HIRA: variants seen among roughly 807,000 people sequenced by gnomAD.
HIRA encodes the protein histone cell cycle regulator.
Under a neutral mutation model 126.6 loss-of-function variants are expected in HIRA, and 13 were observed. That is an observed-to-expected ratio of 0.10 (90% CI 0.07 to 0.16). The LOEUF is 0.16. Ranked by LOEUF, HIRA falls within the 10% of genes least tolerant of loss-of-function variation. The probability of loss-of-function intolerance (pLI) is 1.00; values close to 1 mark genes in which losing one functional copy is unlikely to be tolerated. For synonymous variants in HIRA, 511 were observed against 520.0 expected (o/e 0.98, Z 0.24); for missense variants, 834 against 1,314.4 (o/e 0.63, Z 5.65).
chr22:19,380,106 C>G (rs964463170), intron 13 of HIRA, among the ~76,000 whole-genome samples: 3 of 152,166 alleles, frequency 2.0e-5, no homozygotes, highest in East Asian at 1.9e-4. Context: ...CACGCCCAGA[C>G]AGCCTATCTT....
intron 1 of HIRA, among the ~76,000 whole-genome samples, chr22:19,430,430 C>A (rs569589320): frequency 6.6e-6 from 1 of 152,094 alleles, no homozygotes; most frequent in Admixed American, 6.5e-5. Flanking sequence ...AAATTCAAAA[C>A]GAAAAAGCCA....
chr22:19,379,976 T>C (rs5746729), intron 13 of HIRA, among the ~76,000 whole-genome samples: 7,075 of 151,804 alleles, frequency 0.047, 361 homozygotes, highest in East Asian at 0.13. Flanking sequence ...GCCCAGCTAA[T>C]TTTTATATTT....
Position 19,351,490 on chromosome 22 carries a change from A to C in HIRA, c.2849-44T>G. On this transcript the variant is annotated intron_variant, in intron 23 of 24. Coordinates refer to ENST00000263208, the MANE Select transcript of HIRA (RefSeq NM_003325.4). This position sits in a 1 kb window ranked among gnomAD's most constrained non-coding sequence, Gnocchi z 4.8. ...ACAAACAACAACAACAAAAAACAAA[A>C]CAGAAATAGGAACACATTACAAAAA... 1 of 1,356,084 alleles carries C rather than the reference A, an allele frequency of 7.4e-7. No homozygotes were observed. Among genetic ancestry groups the C allele is most frequent in the Non-Finnish European group, 1.1e-6 (1 of 951,620 alleles). 84.0% of individuals were successfully genotyped at this position (1,356,084 alleles called of 1,614,324 possible). A position where few individuals can be genotyped will look rare whatever the true frequency, so the allele number is the denominator to read the frequency against.
At chr22:19,342,441 C>T (rs919084518) in intron 24 of HIRA, among the ~76,000 whole-genome samples, 29 of 152,186 alleles carry the variant, frequency 1.9e-4, no homozygotes, top group Non-Finnish European at 4.1e-4. Flanking sequence ...GGCTGGAATG[C>T]AGTGGCACGA....
chr22:19,343,460 G>T (rs1162069704), intron 24 of HIRA, among the ~76,000 whole-genome samples: 1 of 152,132 alleles, frequency 6.6e-6, no homozygotes, highest in African/African-American at 2.4e-5. Flanking sequence ...CTACTCAGGA[G>T]GCTGAGGTGG....
In HIRA at chr22:19,399,221, T is replaced by C. The variant is rs140771336; in HGVS notation, c.398-1134A>G. On this transcript the variant is annotated intron_variant, in intron 5 of 24. Transcript: ENST00000263208. ...GGTATACAGAAGAATGATTGGTGAG[T>C]TGAAGAAACAAACATAGCAGCAAGG... 20 of 910,110 alleles carry C rather than the reference T, an allele frequency of 2.2e-5. No homozygotes were observed. The East Asian group carries it at 1.1e-3, about 48-fold the overall frequency. The allele number at this position is 910,110 out of a possible 1,614,324, so 56.4% of individuals were successfully genotyped here.
chr22:19,387,331 C>T (rs1356055375), intron 11 of HIRA, among the ~76,000 whole-genome samples: 3 of 152,224 alleles, frequency 2.0e-5, no homozygotes, highest in East Asian at 1.9e-4. Flanking sequence ...CAGAGCCTGG[C>T]AGACAATGCG....
At chr22:19,354,898 C>A (rs782216815) in intron 21 of HIRA, among the ~76,000 whole-genome samples, 8 of 152,014 alleles carry the variant, frequency 5.3e-5, no homozygotes, top group Non-Finnish European at 1.2e-4. Context: ...TCCCAAGGAG[C>A]TGGGACTACA....
rs57853722 is a variant in HIRA, at chr22:19,429,133, CTTTTTTTTTT to C, written c.37+2297_37+2306del. ...TCCCATCCTGCCAGAGTTGCCATAT[CTTTTTTTTTT>C]TTTTTTTTTTTTTTTGAGATGGAGT... is the stretch of plus-strand genomic sequence containing the variant. On this transcript the variant is annotated intron_variant, in intron 1 of 24. Transcript: ENST00000263208. Among the ~76,000 whole-genome samples, 7 of 77,280 alleles carry C rather than the reference CTTTTTTTTTT, an allele frequency of 9.1e-5. No homozygotes were observed. The South Asian group carries it at 2.3e-3, about 26-fold the overall frequency. The allele number at this position is 77,280 out of a possible 152,430, so 50.7% of individuals were successfully genotyped here.
intron 7 of HIRA, among the ~76,000 whole-genome samples, chr22:19,395,805 T>C (rs2089219018): frequency 6.6e-6 from 1 of 152,188 alleles, no homozygotes; most frequent in Non-Finnish European, 1.5e-5. Context: ...AGACTCCATC[T>C]CAATCCACTT....
chr22:19,400,277 A>G (rs1247780626), intron 5 of HIRA, among the ~76,000 whole-genome samples: 5 of 152,136 alleles, frequency 3.3e-5, no homozygotes, highest in African/African-American at 7.2e-5. Flanking sequence ...AGTTATTTAG[A>G]ATGTTTCTCT....
At chr22:19,408,092 G>A (rs2089322137) in intron 3 of HIRA, among the ~76,000 whole-genome samples, 1 of 152,182 alleles carries the variant, frequency 6.6e-6, no homozygotes, top group Non-Finnish European at 1.5e-5. Flanking sequence ...CCATCACACT[G>A]TCTGATGGCC....
At chr22:19,332,514 T>A (rs1239497650) in intron 24 of HIRA, among the ~76,000 whole-genome samples, 1 of 152,098 alleles carries the variant, frequency 6.6e-6, no homozygotes, top group African/African-American at 2.4e-5. Flanking sequence ...GAAAAGTTTG[T>A]CAACTCCTAA....
intron 24 of HIRA, among the ~76,000 whole-genome samples, chr22:19,344,344 C>A (rs1412854553): frequency 6.6e-6 from 1 of 151,960 alleles, no homozygotes; most frequent in Non-Finnish European, 1.5e-5. Context: ...GACATTACAA[C>A]CAATGCCACA....
At position 19,387,720 on chromosome 22, in the gene HIRA, C is replaced by T; in HGVS notation, c.1104G>A (p.Glu368=). The T allele has an allele frequency of 6.2e-7, 1 of 1,613,712 alleles. No homozygotes were observed. Among genetic ancestry groups the T allele is most frequent in the Non-Finnish European group, 8.5e-7 (1 of 1,179,826 alleles). The change falls in exon 11 of 25, where the codon GAG becomes GAA. Residue 368 remains glutamate, a synonymous_variant. Coordinates refer to ENST00000263208, the MANE Select transcript of HIRA (RefSeq NM_003325.4). ...AGAGCCGTCAGCCTACCTTCTCCTCCTCGCTCAGGGGATCGCCAAGCTCAT... is the reference window on the plus strand; with the variant it reads ...AGAGCCGTCAGCCTACCTTCTCCTCTTCGCTCAGGGGATCGCCAAGCTCAT... The part of the protein sequence containing the change: ...SQDELGDPLS[E]EEKSRIHQST...
intron 24 of HIRA, among the ~76,000 whole-genome samples, chr22:19,337,280 C>G (rs1413094696): frequency 6.6e-6 from 1 of 151,184 alleles, no homozygotes; most frequent in African/African-American, 2.4e-5. Flanking sequence ...GAAAAATGCT[C>G]CAGAGAAATC....
At chr22:19,413,595 C>CCATTTATT (rs2089371232) in intron 1 of HIRA, among the ~76,000 whole-genome samples, 1 of 143,668 alleles carries the variant, frequency 7.0e-6, no homozygotes, top group Non-Finnish European at 1.5e-5. Flanking sequence ...GGGAATGAAA[C>CCATTTATT]TATTTATTTA....
chr22:19,384,681 A>C (rs1213727570), intron 12 of HIRA, among the ~76,000 whole-genome samples: 18 of 151,378 alleles, frequency 1.2e-4, no homozygotes, highest in Non-Finnish European at 2.9e-5. Flanking sequence ...TTGAGACAGA[A>C]TCTCACTCTG....
chr22:19,386,539 A>T (rs1766392294), intron 11 of HIRA, among the ~76,000 whole-genome samples: 1 of 152,214 alleles, frequency 6.6e-6, no homozygotes, highest in South Asian at 2.1e-4. Flanking sequence ...GTGCCTTGGG[A>T]CCTGCTCCTG....
Sources: allele counts gnomAD v4.1 joint callset (sites outside exome capture counted in the v4.1 genomes callset), GRCh38; gene constraint gnomAD v4.1.1; non-coding constraint Gnocchi (gnomAD v3.1); transcripts MANE v1.5; gene names NCBI Gene and HGNC (gene_info 2026-07-23, HGNC 2026-07-21).